Variants in CTNNA2 observed in about 807,000 individuals in gnomAD.
CTNNA2 encodes catenin alpha-2.
Under a neutral mutation model 101.0 loss-of-function variants are expected in CTNNA2, and 42 were observed. The observed-to-expected ratio is 0.42, with a 90% CI of 0.32 to 0.54. The LOEUF (loss-of-function observed/expected upper bound fraction) is 0.54. CTNNA2 is among the 20% of genes least tolerant of loss of function. The pLI is 0.14. For synonymous variants in CTNNA2, 450 were observed against 456.4 expected, an observed-to-expected ratio of 0.99 and a Z score of 0.18; for missense variants, 871 against 1,223.1, an observed-to-expected ratio of 0.71 and a Z score of 4.29.
At chr2:80,392,122 A>G (rs1250826072) in intron 7 of CTNNA2, among the ~76,000 whole-genome samples, 1 of 152,158 alleles carries the variant, frequency 6.6e-6, no homozygotes. Flanking sequence ...ACGGAAAGAG[A>G]ACATTTAGAA....
At chr2:79,297,490 T>C (rs1241285659) in intron 2 of CTNNA2, among the ~76,000 whole-genome samples, 1 of 152,206 alleles carries the variant, frequency 6.6e-6, no homozygotes, top group Non-Finnish European at 1.5e-5. Context: ...ATTACCTCAG[T>C]TGGCCACTTG....
At chr2:80,119,707 A>G (rs114659309) in intron 7 of CTNNA2, among the ~76,000 whole-genome samples, 1 of 152,314 alleles carries the variant, frequency 6.6e-6, no homozygotes, top group South Asian at 2.1e-4. Context: ...TGATTCAGAA[A>G]AATTTTTAAA....
chr2:79,505,164 C>G (rs1240681580), exon 5 of CTNNA2: 1 of 152,464 alleles, frequency 6.6e-6, no homozygotes, highest in Non-Finnish European at 1.5e-5. Flanking sequence ...GCACTCCCAG[C>G]AGCACAGCCT....
chr2:79,474,775 G>A (rs370373), intron 4 of CTNNA2, among the ~76,000 whole-genome samples: 100,825 of 152,002 alleles, frequency 0.66, 33,866 homozygotes, highest in African/African-American at 0.77. Context: ...CTGTTAAGTC[G>A]TCATCAATTC....
At chr2:79,473,050 A>T (rs1050982771) in intron 4 of CTNNA2, among the ~76,000 whole-genome samples, 4 of 152,214 alleles carry the variant, frequency 2.6e-5, no homozygotes, top group African/African-American at 9.6e-5. Context: ...CTGAGACCTC[A>T]TGACAATGAC....
rs568383355 is a variant in CTNNA2, at chr2:79,269,188, T to A, written c.-405-43521T>A. ...CTTCCTGGATACTCCCAGGGGGAGATCAGTTAAAAAGCTAAGCACCTGAAA... is the reference window on the plus strand; with the variant it reads ...CTTCCTGGATACTCCCAGGGGGAGAACAGTTAAAAAGCTAAGCACCTGAAA... On this transcript the variant is annotated intron_variant, in intron 2 of 21. Coordinates refer to the CTNNA2 transcript ENST00000466387. Among the ~76,000 whole-genome samples the A allele has an allele frequency of 2.6e-5, 4 of 151,988 alleles. No individual in the cohort carries two copies. The East Asian group carries it at 7.8e-4, about 30-fold the overall frequency.
chr2:80,229,731 T>C (rs1401147826), intron 7 of CTNNA2, among the ~76,000 whole-genome samples: 6 of 152,206 alleles, frequency 3.9e-5, no homozygotes, highest in Admixed American at 3.9e-4. Context: ...GTTCAAATAC[T>C]TGATTCCCAT....
chr2:79,642,458 C>T (rs1024809053), intron 1 of CTNNA2, among the ~76,000 whole-genome samples: 2 of 152,198 alleles, frequency 1.3e-5, no homozygotes, highest in Non-Finnish European at 1.5e-5. Flanking sequence ...TCTCAGTTCA[C>T]TGAGCCAGGG....
At chr2:79,219,493 A>G (rs549981306) in intron 2 of CTNNA2, among the ~76,000 whole-genome samples, 1 of 152,296 alleles carries the variant, frequency 6.6e-6, no homozygotes, top group Non-Finnish European at 1.5e-5. Flanking sequence ...TTAAATAGCC[A>G]TATGTGGCTA....
intron 7 of CTNNA2, among the ~76,000 whole-genome samples, chr2:80,282,146 C>T: frequency 6.6e-6 from 1 of 152,090 alleles, no homozygotes; most frequent in Non-Finnish European, 1.5e-5. Context: ...CCAATGGGTT[C>T]TGCCACAGTA....
At chr2:79,962,152 T>C (rs926299968) in intron 7 of CTNNA2, among the ~76,000 whole-genome samples, 7 of 152,244 alleles carry the variant, frequency 4.6e-5, no homozygotes, top group African/African-American at 1.7e-4. Context: ...CTGTTCAGGC[T>C]GCTATAACAA....
chr2:80,090,036 C>G (rs892273840), intron 7 of CTNNA2, among the ~76,000 whole-genome samples: 5 of 151,844 alleles, frequency 3.3e-5, no homozygotes, highest in Admixed American at 3.3e-4. Flanking sequence ...GTGGGATGTT[C>G]ATTCAGGGTG....
intron 7 of CTNNA2, among the ~76,000 whole-genome samples, chr2:80,337,368 C>A (rs1168149523): frequency 2.0e-5 from 3 of 151,410 alleles, no homozygotes; most frequent in East Asian, 1.9e-4. Flanking sequence ...AAAAAACCAA[C>A]CAAACAAACA....
At chr2:79,912,919 T>A (rs965871396) in intron 7 of CTNNA2, among the ~76,000 whole-genome samples, 4 of 152,226 alleles carry the variant, frequency 2.6e-5, no homozygotes, top group African/African-American at 9.6e-5. Flanking sequence ...TAACATTTTA[T>A]GGGTTTTATT....
At chr2:79,876,528 C>G (rs1047427181) in intron 6 of CTNNA2, among the ~76,000 whole-genome samples, 1 of 152,040 alleles carries the variant, frequency 6.6e-6, no homozygotes, top group Non-Finnish European at 1.5e-5. Flanking sequence ...AACAACAAAA[C>G]CTAAGTGAGG....
chr2:79,595,151 G>A (rs1677105833), intron 1 of CTNNA2, among the ~76,000 whole-genome samples: 1 of 152,078 alleles, frequency 6.6e-6, no homozygotes, highest in Non-Finnish European at 1.5e-5. Flanking sequence ...AGCACTTGTG[G>A]TCAACCATTC....
At chr2:79,766,722 CT>C (rs544405094) in intron 3 of CTNNA2, among the ~76,000 whole-genome samples, 234 of 151,836 alleles carry the variant, frequency 1.5e-3, no homozygotes, top group Non-Finnish European at 2.6e-3. Context: ...GATTTTCATT[CT>C]TTTTTCTTTT....
At chr2:79,289,466 G>C (rs1675729577) in intron 2 of CTNNA2, among the ~76,000 whole-genome samples, 3 of 151,768 alleles carry the variant, frequency 2.0e-5, no homozygotes, top group African/African-American at 7.3e-5. Flanking sequence ...GGGTTGGTTA[G>C]AATTCAGCAA....
At chr2:80,406,826 C>CAAAAAA (rs56793591) in intron 8 of CTNNA2, among the ~76,000 whole-genome samples, 45 of 63,560 alleles carry the variant, frequency 7.1e-4, no homozygotes, top group East Asian at 1.1e-3. Context: ...GACTCCATCT[C>CAAAAAA]AAAAAAAAAA....
Sources: allele counts gnomAD v4.1 joint callset (sites outside exome capture counted in the v4.1 genomes callset), GRCh38; gene constraint gnomAD v4.1.1; transcripts MANE v1.5; gene names NCBI Gene and HGNC (gene_info 2026-07-23, HGNC 2026-07-21).